CTNNA2: variants seen among roughly 807,000 people sequenced by gnomAD.
The protein encoded by CTNNA2 is catenin alpha-2.
CTNNA2 carries 42 observed loss-of-function variants against 101.0 expected under a neutral mutation model. That is an observed-to-expected ratio of 0.42 (90% CI 0.32 to 0.54). The LOEUF (loss-of-function observed/expected upper bound fraction) is 0.54. CTNNA2 is among the 20% of genes least tolerant of loss of function. CTNNA2 has a pLI of 0.14. For synonymous variants in CTNNA2, 450 were observed against 456.4 expected (o/e 0.99, Z 0.18); for missense variants, 871 against 1,223.1 (o/e 0.71, Z 4.29).
intron 1 of CTNNA2, among the ~76,000 whole-genome samples, chr2:79,630,044 C>A (rs1679583676): frequency 2.6e-5 from 4 of 152,194 alleles, no homozygotes; most frequent in Admixed American, 2.6e-4. Flanking sequence ...AACCAAGGAT[C>A]ACCTCTACAG....
chr2:80,642,310 A>C (rs1211518441), intron 18 of CTNNA2, among the ~76,000 whole-genome samples: 1 of 152,114 alleles, frequency 6.6e-6, no homozygotes, highest in Non-Finnish European at 1.5e-5. Flanking sequence ...GTAAATTGCT[A>C]TTCCTTTTGT....
intron 7 of CTNNA2, among the ~76,000 whole-genome samples, chr2:80,201,422 G>T (rs1707204148): frequency 7.7e-6 from 1 of 129,184 alleles, no homozygotes; most frequent in African/African-American, 3.2e-5. Flanking sequence ...CACCCAGGCT[G>T]GAGTGCAGTG....
intron 7 of CTNNA2, among the ~76,000 whole-genome samples, chr2:80,246,479 T>C (rs967410715): frequency 6.6e-6 from 1 of 152,210 alleles, no homozygotes. Flanking sequence ...TGGGCATAAC[T>C]TGAATATAGA....
intron 1 of CTNNA2, among the ~76,000 whole-genome samples, chr2:79,191,124 G>C (rs1452911949): frequency 6.6e-6 from 1 of 152,176 alleles, no homozygotes; most frequent in Non-Finnish European, 1.5e-5. Context: ...TGGAGCCCAG[G>C]GTCCAGGGTG....
intron 7 of CTNNA2, among the ~76,000 whole-genome samples, chr2:80,274,155 T>C (rs1364208521): frequency 6.6e-6 from 1 of 152,166 alleles, no homozygotes; most frequent in African/African-American, 2.4e-5. Context: ...TTTTGCAGAA[T>C]ATTCAGAGTG....
intron 1 of CTNNA2, among the ~76,000 whole-genome samples, chr2:79,524,336 A>C (rs910527043): frequency 1.3e-5 from 2 of 151,864 alleles, no homozygotes; most frequent in Non-Finnish European, 2.9e-5. Flanking sequence ...CCGTTGGGAA[A>C]GGGATTTTAT....
chr2:79,778,061 G>C (rs1441143092), intron 3 of CTNNA2, among the ~76,000 whole-genome samples: 1 of 152,104 alleles, frequency 6.6e-6, no homozygotes, highest in Non-Finnish European at 1.5e-5. Context: ...ATCCTTTTCA[G>C]CTGGGTGCGG....
At chr2:79,232,215 T>C (rs1302701305) in intron 2 of CTNNA2, among the ~76,000 whole-genome samples, 1 of 152,158 alleles carries the variant, frequency 6.6e-6, no homozygotes, top group Non-Finnish European at 1.5e-5. Context: ...GCTCTTATTA[T>C]TTTGAGGTAT....
chr2:80,629,997 C>G (rs979495760), intron 18 of CTNNA2, among the ~76,000 whole-genome samples: 1 of 152,134 alleles, frequency 6.6e-6, no homozygotes, highest in African/African-American at 2.4e-5. Flanking sequence ...ACCTCGTTTC[C>G]AGCCAGGTGT....
intron 9 of CTNNA2, among the ~76,000 whole-genome samples, chr2:80,439,724 C>T (rs1682384553): frequency 6.6e-6 from 1 of 152,078 alleles, no homozygotes; most frequent in African/African-American, 2.4e-5. Flanking sequence ...TATTTTTATA[C>T]GTTTGTATTG....
intron 7 of CTNNA2, among the ~76,000 whole-genome samples, chr2:79,965,178 C>T (rs916288887): frequency 3.3e-5 from 5 of 152,146 alleles, no homozygotes; most frequent in African/African-American, 1.2e-4. Context: ...CCCTGTAACA[C>T]ATCGTGGGAG....
intron 9 of CTNNA2, among the ~76,000 whole-genome samples, chr2:80,483,145 C>T (rs898093161): frequency 1.3e-5 from 2 of 152,094 alleles, no homozygotes; most frequent in African/African-American, 4.8e-5. Context: ...CATAGCTGAG[C>T]TCTAGAAGTA....
At chr2:79,242,157 C>G (rs778254223) in intron 2 of CTNNA2, among the ~76,000 whole-genome samples, 1 of 152,074 alleles carries the variant, frequency 6.6e-6, no homozygotes, top group Non-Finnish European at 1.5e-5. Context: ...CCACCCGCCT[C>G]GGCCTCCCAA....
At chr2:80,443,873 A>G (rs777230502) in intron 9 of CTNNA2, among the ~76,000 whole-genome samples, 1 of 152,242 alleles carries the variant, frequency 6.6e-6, no homozygotes, top group Non-Finnish European at 1.5e-5. Context: ...CTTGTGTTAT[A>G]TATTTCCTGT....
intron 7 of CTNNA2, among the ~76,000 whole-genome samples, chr2:80,000,157 G>T (rs1049974621): frequency 6.6e-6 from 1 of 152,186 alleles, no homozygotes; most frequent in African/African-American, 2.4e-5. Context: ...CTGGTTTTAA[G>T]TTTAAAGAAT....
chr2:79,520,733 C>T (rs989148889), intron 1 of CTNNA2, among the ~76,000 whole-genome samples: 3 of 152,072 alleles, frequency 2.0e-5, no homozygotes, highest in African/African-American at 7.2e-5. Flanking sequence ...CACATGATAA[C>T]TCTATAATTC....
At chr2:79,907,814 T>C (rs1411967866) in intron 6 of CTNNA2, among the ~76,000 whole-genome samples, 2 of 152,234 alleles carry the variant, frequency 1.3e-5, no homozygotes, top group Non-Finnish European at 2.9e-5. Context: ...GACCAATTAG[T>C]GATTTTCTAA....
intron 7 of CTNNA2, among the ~76,000 whole-genome samples, chr2:79,968,588 G>A (rs1413502288): frequency 7.9e-5 from 12 of 152,048 alleles, no homozygotes; most frequent in Non-Finnish European, 1.0e-4. Flanking sequence ...AGGAGGATCA[G>A]TTGAGGCCAG....
chr2:79,684,844 G>A lies in CTNNA2; in HGVS notation c.102+33186G>A, dbSNP rs1450740688. On this transcript the variant is annotated intron_variant, in intron 2 of 18. Coordinates refer to ENST00000402739, the MANE Select transcript of CTNNA2 (RefSeq NM_001282597.3). ...AGATTTGTCCAAATTTCCTTTAAAT[G>A]TTTAACTTTCTTTCTCACTACCGAG... 3.3e-5 allele frequency among the ~76,000 whole-genome samples: 5 copies of A among 152,222 alleles called. No individual in the cohort carries two copies. In the South Asian group the frequency reaches 8.3e-4, roughly 25 times the overall value.
Sources: gnomAD v4.1 joint callset for allele counts (sites outside exome capture counted in the v4.1 genomes callset) on GRCh38, gnomAD v4.1.1 for gene constraint, MANE v1.5 for transcripts, NCBI Gene and HGNC (gene_info 2026-07-23, HGNC 2026-07-21) for gene names.